The following PHRF1 variants were observed in gnomAD, a reference collection of about 807,000 sequenced individuals.
The protein encoded by PHRF1 is PHD and RING finger domain-containing protein 1.
Under a neutral mutation model 128.9 loss-of-function variants are expected in PHRF1, and 53 were observed. That is an observed-to-expected ratio of 0.41 (90% CI 0.33 to 0.52). The LOEUF (loss-of-function observed/expected upper bound fraction) is 0.52. Among genes scored for constraint, PHRF1 ranks in the 20% least tolerant of loss-of-function variants. PHRF1 has a pLI of 0.21. For synonymous variants in PHRF1, 1,178 were observed against 980.6 expected (o/e 1.20, Z -3.76); for missense variants, 2,503 against 2,284.5 (o/e 1.10, Z -1.95).
intron 2 of PHRF1, 21 bp downstream of exon 2, chr11:581,627 TA>T (rs1854209392): frequency 6.3e-7 from 1 of 1,595,920 alleles, no homozygotes; most frequent in Non-Finnish European, 8.6e-7. Context: ...TAGCGCCGGG[TA>T]GGGGCGTCCC....
At chr11:595,121 G>A (rs1221060338) in intron 6 of PHRF1, among the ~76,000 whole-genome samples, 3 of 152,066 alleles carry the variant, frequency 2.0e-5, no homozygotes, top group Non-Finnish European at 2.9e-5. Context: ...TCAGGAGTTC[G>A]AGACCAGCCT....
Position 610,222 on chromosome 11 carries a change from C to T in PHRF1, c.4291C>T (p.Pro1431Ser), listed in dbSNP as rs915353170. 3 of 1,542,648 alleles carry T rather than the reference C, an allele frequency of 1.9e-6. No homozygotes were observed. Among genetic ancestry groups the T allele is most frequent in the Admixed American group, 2.0e-5 (1 of 50,644 alleles). Residue 1431 changes from proline (P) to serine (S), a missense_variant, in exon 15 of 18, where the codon CCC becomes TCC. Pro to Ser is a moderately conservative substitution (Grantham distance 74, BLOSUM62 -1). Transcript: ENST00000264555. ...PRAPLHRPQK[P>S]REGAWDMEDV... ...GGCACCACTTCACAGGCCACAGAAG[C>T]CCCGAGAAGGAGCCTGGGACATGGA...
chr11:583,587 A>G (rs1854349146), intron 3 of PHRF1, among the ~76,000 whole-genome samples: 1 of 152,210 alleles, frequency 6.6e-6, no homozygotes, highest in African/African-American at 2.4e-5. Flanking sequence ...TTTTGAGAGA[A>G]CAATGTTCCA....
Position 609,033 on chromosome 11 carries a change from G to A in PHRF1, c.3577G>A (p.Glu1193Lys). The change falls in exon 14 of 18, where the codon GAG becomes AAG. Residue 1193 changes from glutamate to lysine, a missense_variant. Transcript: ENST00000264555. ...KWPQTRSHSP[E>K]RKGAVREASP... ...GCCGCAGACCCGGTCCCATTCCCCA[G>A]AGAGGAAGGGGGCTGTGAGGGAGGC... 1 of 1,595,126 alleles carries A rather than the reference G, an allele frequency of 6.3e-7. No homozygotes were observed. The highest frequency in any genetic ancestry group is 8.5e-7 in the Non-Finnish European group (1 of 1,171,592).
rs912979554 is a variant in PHRF1, at chr11:611,953, G to A, written c.*176G>A. On this transcript the variant is annotated 3_prime_UTR_variant, in exon 18 of 18. Transcript: ENST00000264555. ...CCGTCGGGTTCCTGCGCTGACACCT[G>A]GTCTGTGCACCTGTGTTGCTCACAG... The A allele has an allele frequency of 1.0e-6, 1 of 985,654 alleles. No individual in the cohort carries two copies. The highest frequency in any genetic ancestry group is 1.6e-5 in the African/African-American group (1 of 61,148). The allele number at this position is 985,654 out of a possible 1,614,324, so 61.1% of individuals were successfully genotyped here. A position where few individuals can be genotyped will look rare whatever the true frequency, so the allele number is the denominator to read the frequency against.
chr11:605,516 G>C (rs908515273), intron 11 of PHRF1, 89 bp from the exon 12 acceptor site: 14 of 1,556,554 alleles, frequency 9.0e-6, no homozygotes, highest in Non-Finnish European at 1.1e-5. Flanking sequence ...GCCAGTGCTC[G>C]GCCATCCTCC....
chr11:609,477 A>G lies in PHRF1; in HGVS notation c.4021A>G (p.Thr1341Ala). 6.2e-7 allele frequency: 1 copy of G among 1,604,978 alleles called. No individual in the cohort carries two copies. Among genetic ancestry groups the G allele is most frequent in the Non-Finnish European group, 8.5e-7 (1 of 1,179,334 alleles). ...PSQPPPLPEG[T>A]QEPHLLRPDA... is the part of the protein sequence containing the mutation. Reference sequence around the variant, plus strand: ...GCAGCCCCCACCCCTGCCAGAGGGCACCCAGGAGCCACATTTGCTCAGGCC... The same window carrying G: ...GCAGCCCCCACCCCTGCCAGAGGGCGCCCAGGAGCCACATTTGCTCAGGCC... The change falls in exon 14 of 18, where the codon ACC becomes GCC. Residue 1341 changes from threonine (T) to alanine (A), a missense_variant. Transcript: ENST00000264555.
chr11:595,361 A>G (rs1855220209), intron 6 of PHRF1, among the ~76,000 whole-genome samples: 1 of 152,132 alleles, frequency 6.6e-6, no homozygotes, highest in South Asian at 2.1e-4. Flanking sequence ...GAAATAAGAT[A>G]CAGTTTCTGA....
intron 5 of PHRF1, 149 bp downstream of exon 5, chr11:591,616 A>G (rs558516122): frequency 1.7e-5 from 12 of 698,262 alleles, no homozygotes; most frequent in Middle Eastern, 3.3e-4. Context: ...CCTTGTGGCC[A>G]TGAGCCCTGT....
At chr11:610,846 C>G (rs2133105895) in intron 16 of PHRF1, 85 bp downstream of exon 16, 1 of 1,582,000 alleles carries the variant, frequency 6.3e-7, no homozygotes, top group African/African-American at 1.3e-5. Flanking sequence ...TGGGCGGAAG[C>G]TGGTCGCTGT....
At chr11:581,829 C>A in intron 2 of PHRF1, 133 bp from the exon 3 acceptor site, 1 of 1,333,320 alleles carries the variant, frequency 7.5e-7, no homozygotes, top group Non-Finnish European at 1.0e-6. Context: ...GTGCCCCCAC[C>A]TTGCCGGCCC....
intron 1 of PHRF1, 57 bp from the exon 2 acceptor site, chr11:581,435 G>C: frequency 6.6e-7 from 1 of 1,506,272 alleles, no homozygotes; most frequent in Non-Finnish European, 9.1e-7. Context: ...TAACTCTTCA[G>C]AGGGTTCTTT....
intron 4 of PHRF1, among the ~76,000 whole-genome samples, chr11:589,850 G>C (rs919040337): frequency 1.3e-5 from 2 of 150,004 alleles, no homozygotes; most frequent in Non-Finnish European, 3.0e-5. Context: ...GTCTGCAAAC[G>C]GGCACGGAGC....
At chr11:611,550 G>A (rs1002548372) in intron 17 of PHRF1, 84 bp from the exon 18 acceptor site, 25 of 1,587,738 alleles carry the variant, frequency 1.6e-5, no homozygotes, top group Admixed American at 1.7e-5. Flanking sequence ...CAGGGCAGGC[G>A]AGGGAGCCCA....
chr11:596,872 G>A (rs1394920758), intron 6 of PHRF1, 51 bp from the exon 7 acceptor site: 1 of 1,546,764 alleles, frequency 6.5e-7, no homozygotes, highest in East Asian at 2.2e-5. Flanking sequence ...GAGGAGGTTT[G>A]GGAAAGCTGT....
At position 605,646 on chromosome 11, in the gene PHRF1, C is replaced by T; in HGVS notation, c.1376C>T (p.Ala459Val). ...GCAAACCCTCTTTCCCCTCTGAGTG[C>T]CAAGAGACGGGCTCTGTCCCGGTCA... ...LSANPLSPLS[A>V]KRRALSRSAL... Residue 459 changes from alanine (A) to valine (V), a missense_variant, in exon 12 of 18, where the codon GCC becomes GTC. Transcript: ENST00000264555. 1.2e-6 allele frequency: 2 copies of T among 1,613,748 alleles called. No individual in the cohort carries two copies. The highest frequency in any genetic ancestry group is 2.2e-5 in the South Asian group (2 of 91,090).
Position 597,297 on chromosome 11 carries a change from A to C in PHRF1, c.719-98A>C. ...TGGGTCCTGTGCACAGGTCAGCCCG[A>C]GCCAGGGCTGCTACTTGGCCGGCAG... On this transcript the variant is annotated intron_variant, in intron 7 of 17. Transcript: ENST00000264555. The surrounding 1 kb of genome is among the most constrained non-coding windows in gnomAD (Gnocchi z 6.5). The C allele has an allele frequency of 6.9e-7, 1 of 1,455,656 alleles. No individual in the cohort carries two copies. Among genetic ancestry groups the C allele is most frequent in the Non-Finnish European group, 9.3e-7 (1 of 1,077,728 alleles). 90.2% of individuals were successfully genotyped at this position (1,455,656 alleles called of 1,614,324 possible).
At chr11:585,154 G>C (rs951701049) in intron 3 of PHRF1, among the ~76,000 whole-genome samples, 1 of 152,204 alleles carries the variant, frequency 6.6e-6, no homozygotes, top group African/African-American at 2.4e-5. Context: ...GGGAGCTTTC[G>C]TTCTCATTGC....
intron 1 of PHRF1, among the ~76,000 whole-genome samples, chr11:579,533 G>A (rs577004088): frequency 6.6e-6 from 1 of 152,328 alleles, no homozygotes; most frequent in East Asian, 1.9e-4. Flanking sequence ...CATGCTGTGG[G>A]AGAGGGGTCA....
Sources: gnomAD v4.1 joint callset for allele counts (sites outside exome capture counted in the v4.1 genomes callset) on GRCh38, gnomAD v4.1.1 for gene constraint, Gnocchi (gnomAD v3.1) non-coding constraint, MANE v1.5 for transcripts, NCBI Gene and HGNC (gene_info 2026-07-23, HGNC 2026-07-21) for gene names.